The following CTNND2 variants were observed in gnomAD, a reference collection of about 807,000 sequenced individuals.
CTNND2 encodes the protein catenin delta-2.
A neutral mutation model predicts 144.4 loss-of-function variants in CTNND2; 22 were observed. That is an observed-to-expected ratio of 0.15 (90% CI 0.11 to 0.22). CTNND2 has a LOEUF of 0.22. CTNND2 is among the 10% of genes least tolerant of loss of function. CTNND2 has a pLI of 1.00. For synonymous variants in CTNND2, 751 were observed against 695.6 expected (o/e 1.08, Z -1.25); for missense variants, 1,353 against 1,618.8 (o/e 0.84, Z 2.82).
chr5:11,100,226 G>GT (rs1751751715), intron 14 of CTNND2, among the ~76,000 whole-genome samples: 2 of 152,144 alleles, frequency 1.3e-5, no homozygotes, highest in Admixed American at 1.3e-4. Flanking sequence ...ACACAGCTTA[G>GT]TTTAAGTCAA....
In CTNND2 at chr5:10,972,781, T is replaced by G. The variant is rs61752749; in HGVS notation, c.*672A>C. On this transcript the variant is annotated 3_prime_UTR_variant, in exon 22 of 22. Transcript: ENST00000304623. ...TAAATATTCCTTTTTTCCTGCTTTT[T>G]TTTTTTTTTGTTAAAACATACTGGG... 3 of 152,522 alleles carry G rather than the reference T, an allele frequency of 2.0e-5. No individual in the cohort carries two copies. The highest frequency in any genetic ancestry group is 2.0e-4 in the Admixed American group (3 of 15,278). The allele number at this position is 152,522 out of a possible 1,614,324, so 9.4% of individuals were successfully genotyped here.
At chr5:11,560,251 C>A (rs1776579589) in intron 3 of CTNND2, among the ~76,000 whole-genome samples, 3 of 152,288 alleles carry the variant, frequency 2.0e-5, no homozygotes, top group African/African-American at 7.2e-5. Flanking sequence ...CAGCATAAGT[C>A]TTCTAAGAGT....
rs566682400 is a variant in CTNND2, at chr5:11,068,903, C to T, written c.2788+13793G>A. 1.8e-3 allele frequency among the ~76,000 whole-genome samples: 272 copies of T among 152,172 alleles called. 1 individual carries two copies. The highest frequency in any genetic ancestry group is 2.9e-3 in the Non-Finnish European group (196 of 68,010). On this transcript the variant is annotated intron_variant, in intron 16 of 21. Transcript: ENST00000304623. ...CTGCACTCCAGCCTGGGCGACAGAG[C>T]GAGACTCCGTCTCAAAAATAAAAAC...
chr5:11,743,660 G>A (rs868162438), intron 1 of CTNND2, among the ~76,000 whole-genome samples: 21 of 152,288 alleles, frequency 1.4e-4, no homozygotes, highest in Middle Eastern at 6.8e-3. Flanking sequence ...TGAGAAGTTG[G>A]GGGTGTGGCA....
At chr5:11,241,109 A>T (rs1742389788) in intron 9 of CTNND2, among the ~76,000 whole-genome samples, 1 of 149,534 alleles carries the variant, frequency 6.7e-6, no homozygotes, top group Non-Finnish European at 1.5e-5. Flanking sequence ...CCCAACATGT[A>T]CACACACACA....
At chr5:11,781,187 T>TGAGA (rs368297537) in intron 1 of CTNND2, among the ~76,000 whole-genome samples, 1 of 151,800 alleles carries the variant, frequency 6.6e-6, no homozygotes, top group African/African-American at 2.4e-5. Flanking sequence ...AGCAAGCAAA[T>TGAGA]GAGAGAGAGA....
chr5:11,124,199 C>G (rs1214741758), intron 12 of CTNND2, among the ~76,000 whole-genome samples: 1 of 152,142 alleles, frequency 6.6e-6, no homozygotes, highest in Non-Finnish European at 1.5e-5. Flanking sequence ...CTTGCTTAGG[C>G]TAAGCAGAGA....
chr5:11,060,734 C>T (rs1038283546), intron 16 of CTNND2, among the ~76,000 whole-genome samples: 1 of 152,152 alleles, frequency 6.6e-6, no homozygotes, highest in South Asian at 2.1e-4. Flanking sequence ...ATAATCTGAA[C>T]ATGTGTGGTC....
At chr5:11,526,553 C>T (rs921511767) in intron 3 of CTNND2, among the ~76,000 whole-genome samples, 34 of 152,284 alleles carry the variant, frequency 2.2e-4, no homozygotes, top group Admixed American at 6.5e-4. Context: ...GGTAGAATCA[C>T]GCCAGCCACC....
chr5:11,294,862 C>G (rs1188280387), intron 9 of CTNND2, among the ~76,000 whole-genome samples: 2 of 152,116 alleles, frequency 1.3e-5, no homozygotes, highest in South Asian at 2.1e-4. Context: ...ATGACAAACC[C>G]GCAGCCAATA....
intron 2 of CTNND2, among the ~76,000 whole-genome samples, chr5:11,573,604 G>A (rs976468511): frequency 3.9e-5 from 6 of 152,116 alleles, no homozygotes; most frequent in African/African-American, 1.4e-4. Context: ...GTAAAGCCGT[G>A]TACACCTCAT....
At chr5:11,069,364 T>C (rs1048442561) in intron 16 of CTNND2, among the ~76,000 whole-genome samples, 2 of 152,126 alleles carry the variant, frequency 1.3e-5, no homozygotes, top group African/African-American at 4.8e-5. Context: ...CCTGAATTTG[T>C]CTTGGAATAT....
chr5:11,830,366 T>C (rs1022938586), intron 1 of CTNND2, among the ~76,000 whole-genome samples: 1 of 152,188 alleles, frequency 6.6e-6, no homozygotes, highest in South Asian at 2.1e-4. Context: ...TCCCATGTGT[T>C]CTGGGAGGGA....
At position 11,332,958 on chromosome 5, in the gene CTNND2, G is replaced by A. The variant is rs150648294; in HGVS notation, c.1628+13414C>T. On this transcript the variant is annotated intron_variant, in intron 9 of 21. Coordinates refer to ENST00000304623, the MANE Select transcript of CTNND2 (RefSeq NM_001332.4). The stretch of plus-strand genomic sequence containing the variant: ...GGACATGCCTTTCACGTTCTGTCAC[G>A]ATTGTGAGGCCTCCCCAGCCACGTG... Among the ~76,000 whole-genome samples, 304 of 152,306 alleles carry A rather than the reference G, an allele frequency of 2.0e-3. 7 individuals are homozygous for A. The South Asian group carries it at 0.039, about 20-fold the overall frequency.
At position 11,061,419 on chromosome 5, in the gene CTNND2, C is replaced by T. The variant is rs189748100; in HGVS notation, c.2788+21277G>A. ...TCCTTATCCAGGCTGAAAGGTATCCCGCACTCACCATCAGCATCTCTGACC... is the reference window on the plus strand; with the variant it reads ...TCCTTATCCAGGCTGAAAGGTATCCTGCACTCACCATCAGCATCTCTGACC... On this transcript the variant is annotated intron_variant, in intron 16 of 21. Transcript: ENST00000304623. 4.3e-3 allele frequency among the ~76,000 whole-genome samples: 656 copies of T among 152,290 alleles called. 5 individuals carry two copies. Among genetic ancestry groups the T allele is most frequent in the Middle Eastern group, 0.01 (3 of 294 alleles).
chr5:11,536,689 C>T (rs1327767672), intron 3 of CTNND2, among the ~76,000 whole-genome samples: 1 of 151,160 alleles, frequency 6.6e-6, no homozygotes, highest in African/African-American at 2.4e-5. Context: ...GATTCAAAGG[C>T]ATAAGAATAA....
rs560323798 is a variant in CTNND2, at chr5:11,903,665, G to T, written c.37+152C>A. ...TCCGAGGGGGACCTGGCGCGATCGC[G>T]GTCCTCCCCGAGGCAGGCAGAAACC... On this transcript the variant is annotated intron_variant, in intron 1 of 21. Coordinates refer to ENST00000304623, the MANE Select transcript of CTNND2 (RefSeq NM_001332.4). The surrounding 1 kb of genome is among the most constrained non-coding windows in gnomAD (Gnocchi z 5.4). The T allele has an allele frequency of 5.2e-3, 4,220 of 813,236 alleles. 18 individuals are homozygous for T. Among genetic ancestry groups the T allele is most frequent in the Non-Finnish European group, 6.5e-3 (3,755 of 573,660 alleles). The allele number at this position is 813,236 out of a possible 1,614,324, so 50.4% of individuals were successfully genotyped here.
At chr5:11,193,661 A>G (rs1358717622) in intron 11 of CTNND2, among the ~76,000 whole-genome samples, 4 of 152,138 alleles carry the variant, frequency 2.6e-5, no homozygotes, top group Non-Finnish European at 5.9e-5. Flanking sequence ...ATCCCCAAAA[A>G]GTGCCATCAA....
chr5:11,725,544 T>A (rs1019895029), intron 2 of CTNND2, among the ~76,000 whole-genome samples: 1 of 152,080 alleles, frequency 6.6e-6, no homozygotes, highest in Admixed American at 6.6e-5. Flanking sequence ...CAGAAAAATA[T>A]CAGACAACAC....
Sources: gnomAD v4.1 joint callset for allele counts (sites outside exome capture counted in the v4.1 genomes callset) on GRCh38, gnomAD v4.1.1 for gene constraint, Gnocchi (gnomAD v3.1) non-coding constraint, MANE v1.5 for transcripts, NCBI Gene and HGNC (gene_info 2026-07-23, HGNC 2026-07-21) for gene names.